Variants in KATNAL1 observed in about 807,000 individuals in gnomAD.
KATNAL1 encodes katanin catalytic subunit A1 like 1.
KATNAL1 carries 32 observed loss-of-function variants against 55.2 expected under a neutral mutation model. The ratio of observed to expected loss-of-function variants is 0.58; its 90% confidence interval spans 0.44 to 0.78. The LOEUF (loss-of-function observed/expected upper bound fraction) is 0.78. KATNAL1 is among the 30% of genes least tolerant of loss of function. The pLI, the probability that KATNAL1 is intolerant of heterozygous loss-of-function variation, is 0.00. For synonymous variants in KATNAL1, 193 were observed against 193.6 expected (o/e 1.00, Z 0.02); for missense variants, 466 against 600.9 (o/e 0.78, Z 2.35).
At position 30,240,912 on chromosome 13, in the gene KATNAL1, A is replaced by G. The variant is rs557400798; in HGVS notation, c.620+47T>C. 10 of 1,558,728 alleles carry G rather than the reference A, an allele frequency of 6.4e-6. No homozygotes were observed. The South Asian group carries it at 1.0e-4, about 16-fold the overall frequency. On this transcript the variant is annotated intron_variant, in intron 5 of 10. Transcript: ENST00000380615. ...AACTCACACACCAAGACAACCTATA[A>G]TTTGTGTTCTCCTCTACTTTAATTC...
At chr13:30,296,038 TA>T (rs34043407) in intron 1 of KATNAL1, 44,395 of 158,228 alleles carry the variant, frequency 0.28, 4,373 homozygotes, top group East Asian at 0.33. Context: ...ATGCCAATTC[TA>T]AAAAAAAAAA....
At chr13:30,247,388 A>G (rs1377378485) in intron 4 of KATNAL1, among the ~76,000 whole-genome samples, 2 of 152,236 alleles carry the variant, frequency 1.3e-5, no homozygotes, top group African/African-American at 4.8e-5. Flanking sequence ...TTATGAATCC[A>G]TATCATTCTG....
At chr13:30,271,067 A>T (rs1033871619) in intron 3 of KATNAL1, among the ~76,000 whole-genome samples, 1 of 152,234 alleles carries the variant, frequency 6.6e-6, no homozygotes, top group Non-Finnish European at 1.5e-5. Flanking sequence ...GGCATTTGCC[A>T]TGTGAACATC....
At chr13:30,268,524 G>A (rs1024804092) in intron 3 of KATNAL1, among the ~76,000 whole-genome samples, 4 of 151,938 alleles carry the variant, frequency 2.6e-5, no homozygotes, top group Non-Finnish European at 4.4e-5. Context: ...TAAAACCAAT[G>A]AGAAAAAAAG....
intron 1 of KATNAL1, among the ~76,000 whole-genome samples, chr13:30,287,064 T>C (rs1173586360): frequency 6.6e-6 from 1 of 152,182 alleles, no homozygotes; most frequent in Non-Finnish European, 1.5e-5. Flanking sequence ...AGCAGGCTCA[T>C]AGGTGGAAGG....
chr13:30,271,878 GAAAAAAAAA>G (rs71299873), intron 3 of KATNAL1, among the ~76,000 whole-genome samples: 5 of 76,792 alleles, frequency 6.5e-5, no homozygotes, highest in African/African-American at 1.0e-4. Context: ...AAGAAAAGAG[GAAAAAAAAA>G]AAAAAAAAAA....
intron 7 of KATNAL1, 24 bp from the exon 8 acceptor site, chr13:30,230,618 A>G (rs368564267): frequency 4.7e-5 from 73 of 1,542,526 alleles, no homozygotes; most frequent in Non-Finnish European, 6.2e-5. Flanking sequence ...TTTTAAAGAA[A>G]TCATTCAATA....
At chr13:30,225,938 T>C (rs1875421958) in intron 9 of KATNAL1, among the ~76,000 whole-genome samples, 1 of 151,846 alleles carries the variant, frequency 6.6e-6, no homozygotes, top group Non-Finnish European at 1.5e-5. Flanking sequence ...ATAAAAAGCA[T>C]TAATAAAACA....
chr13:30,238,168 T>C (rs1406490367), intron 6 of KATNAL1, among the ~76,000 whole-genome samples: 1 of 152,164 alleles, frequency 6.6e-6, no homozygotes, highest in Admixed American at 6.6e-5. Flanking sequence ...AGAATCGAAC[T>C]CCTGGGAAAT....
At chr13:30,253,470 T>C (rs997202563) in intron 4 of KATNAL1, among the ~76,000 whole-genome samples, 5 of 152,068 alleles carry the variant, frequency 3.3e-5, no homozygotes, top group Non-Finnish European at 4.4e-5. Context: ...TTGACCATCC[T>C]GGCTAACATG....
At chr13:30,293,693 A>G (rs1257177614) in intron 1 of KATNAL1, among the ~76,000 whole-genome samples, 1 of 151,818 alleles carries the variant, frequency 6.6e-6, no homozygotes, top group Non-Finnish European at 1.5e-5. Flanking sequence ...TTGACCTCCA[A>G]CTCTCACCAT....
rs184509304 is a variant in KATNAL1, at chr13:30,245,153, C to T, written c.493-4067G>A. ...CGATGAACATCAAAGCAAAAATTCT[C>T]AATAAAATACTGGCAAACCGAATCC... On this transcript the variant is annotated intron_variant, in intron 4 of 10. Coordinates refer to ENST00000380615, the MANE Select transcript of KATNAL1 (RefSeq NM_032116.5). Among the ~76,000 whole-genome samples, 392 of 152,230 alleles carry T rather than the reference C, an allele frequency of 2.6e-3. 5 individuals are homozygous for T. Among genetic ancestry groups the T allele is most frequent in the Non-Finnish European group, 1.3e-3 (87 of 68,018 alleles).
intron 1 of KATNAL1, among the ~76,000 whole-genome samples, chr13:30,291,102 A>G (rs989640122): frequency 7.2e-5 from 11 of 152,198 alleles, no homozygotes; most frequent in Non-Finnish European, 1.6e-4. Context: ...CCAGTGCAAT[A>G]AGGCGATACA....
At chr13:30,294,796 T>C (rs929123795) in intron 1 of KATNAL1, among the ~76,000 whole-genome samples, 3 of 152,216 alleles carry the variant, frequency 2.0e-5, no homozygotes, top group African/African-American at 7.2e-5. Flanking sequence ...CAGGGGCTGA[T>C]TTAGCTGACG....
chr13:30,255,636 A>G (rs1273865756), intron 3 of KATNAL1, 21 bp from the exon 4 acceptor site: 4 of 1,319,714 alleles, frequency 3.0e-6, no homozygotes, highest in Non-Finnish European at 3.9e-6. Context: ...AAAAAAAAAA[A>G]AAATTAAAAT....
intron 8 of KATNAL1, among the ~76,000 whole-genome samples, chr13:30,228,587 A>T (rs1466324697): frequency 1.3e-5 from 2 of 152,228 alleles, no homozygotes; most frequent in African/African-American, 4.8e-5. Context: ...CCACTTCAAA[A>T]ATAAAACATA....
intron 3 of KATNAL1, among the ~76,000 whole-genome samples, chr13:30,260,145 A>T (rs1879151858): frequency 6.6e-6 from 1 of 152,084 alleles, no homozygotes; most frequent in African/African-American, 2.4e-5. Context: ...ACTCCAACAG[A>T]CCTGCAGCTG....
At chr13:30,275,550 C>A (rs1213293848) in intron 3 of KATNAL1, among the ~76,000 whole-genome samples, 5 of 151,976 alleles carry the variant, frequency 3.3e-5, no homozygotes, top group African/African-American at 1.2e-4. Context: ...GTGGTTATTA[C>A]CAGGGGCTAG....
intron 9 of KATNAL1, among the ~76,000 whole-genome samples, chr13:30,211,630 G>A (rs910158097): frequency 6.6e-6 from 1 of 152,018 alleles, no homozygotes; most frequent in South Asian, 2.1e-4. Context: ...TCATGAAATT[G>A]ACAATTCTCC....
Sources: allele counts gnomAD v4.1 joint callset (sites outside exome capture counted in the v4.1 genomes callset), GRCh38; gene constraint gnomAD v4.1.1; transcripts MANE v1.5; gene names NCBI Gene and HGNC (gene_info 2026-07-23, HGNC 2026-07-21).